The following NRXN1 variants were observed in gnomAD, a reference collection of about 807,000 sequenced individuals.
NRXN1 encodes the protein neurexin-1.
Under a neutral mutation model 150.9 loss-of-function variants are expected in NRXN1, and 39 were observed. The ratio of observed to expected loss-of-function variants is 0.26; its 90% CI spans 0.20 to 0.34. NRXN1 has a LOEUF of 0.34. Ranked by LOEUF, NRXN1 falls within the 10% of genes least tolerant of loss-of-function variation. NRXN1 has a pLI of 1.00. For missense variants in NRXN1, 1,815 were observed against 1,949.9 expected (o/e 0.93, Z 1.30); for synonymous variants, 924 against 757.0 (o/e 1.22, Z -3.62).
chr2:50,398,691 G>A (rs192381412), intron 17 of NRXN1, among the ~76,000 whole-genome samples: 74 of 152,178 alleles, frequency 4.9e-4, no homozygotes, highest in African/African-American at 1.8e-3. Context: ...TTAGACTAAT[G>A]GGCACTGCCT....
chr2:50,167,577 T>C (rs1423811243), intron 18 of NRXN1, among the ~76,000 whole-genome samples: 3 of 151,944 alleles, frequency 2.0e-5, no homozygotes, highest in Non-Finnish European at 4.4e-5. Flanking sequence ...AACCTGATTA[T>C]CAATTGTTCC....
intron 18 of NRXN1, among the ~76,000 whole-genome samples, chr2:50,131,177 G>A (rs1250441054): frequency 6.6e-6 from 1 of 152,164 alleles, no homozygotes; most frequent in Non-Finnish European, 1.5e-5. Flanking sequence ...TGGGTTGAAA[G>A]CTGTAAACAT....
intron 17 of NRXN1, among the ~76,000 whole-genome samples, chr2:50,406,009 C>T (rs1166821191): frequency 1.3e-5 from 2 of 152,092 alleles, no homozygotes; most frequent in African/African-American, 4.8e-5. Flanking sequence ...TGTCCAAGAT[C>T]ATGCAGCTGA....
At chr2:50,305,510 AATTTAAG>A (rs1230880986) in intron 17 of NRXN1, among the ~76,000 whole-genome samples, 1 of 152,208 alleles carries the variant, frequency 6.6e-6, no homozygotes, top group African/African-American at 2.4e-5. Context: ...TTATTTGTTA[AATTTAAG>A]ATTTAAGTCA....
rs538994093 is a variant in NRXN1 at position 50,852,520 on chromosome 2, G to C, written c.832+69349C>G. Among the ~76,000 whole-genome samples, 4 of 152,246 alleles carry C rather than the reference G, an allele frequency of 2.6e-5. No homozygotes were observed. In the East Asian group the frequency reaches 7.7e-4, roughly 29 times the overall value. On this transcript the variant is annotated intron_variant, in intron 5 of 22. Transcript: ENST00000401669. ...CTGTCAATTCTTTGATTGTCAAAAA[G>C]AGTCAGGTTCTGGTACAAGATCTTT...
chr2:50,391,446 G>A (rs1007932605), intron 17 of NRXN1, among the ~76,000 whole-genome samples: 1 of 151,884 alleles, frequency 6.6e-6, no homozygotes, highest in African/African-American at 2.4e-5. Context: ...AATCTTCTTG[G>A]GAAGAGAATC....
intron 19 of NRXN1, among the ~76,000 whole-genome samples, chr2:50,056,856 C>T (rs1428439505): frequency 6.6e-6 from 1 of 152,112 alleles, no homozygotes; most frequent in Non-Finnish European, 1.5e-5. Flanking sequence ...TTATTTGTCA[C>T]TCAATACTCA....
Position 50,286,285 on chromosome 2 carries a change from C to G in NRXN1, c.3365-49315G>C, listed in dbSNP as rs138518876. ...TTTGACCAATATCTCCCAAACTCCACCAACACCACCTCACTCCTACCCCCT... is the reference window on the plus strand; with the variant it reads ...TTTGACCAATATCTCCCAAACTCCAGCAACACCACCTCACTCCTACCCCCT... On this transcript the variant is annotated intron_variant, in intron 17 of 22. Transcript: ENST00000401669. 3.3e-5 allele frequency among the ~76,000 whole-genome samples: 5 copies of G among 152,184 alleles called. No individual in the cohort carries two copies. The East Asian group carries it at 9.7e-4, about 29-fold the overall frequency.
intron 18 of NRXN1, among the ~76,000 whole-genome samples, chr2:50,104,559 GATA>G (rs1047997799): frequency 2.6e-5 from 4 of 152,006 alleles, no homozygotes; most frequent in African/African-American, 9.7e-5. Flanking sequence ...GCGTGATGAT[GATA>G]ATGATGATGA....
intron 21 of NRXN1, among the ~76,000 whole-genome samples, chr2:50,010,573 C>A (rs889103418): frequency 2.6e-5 from 4 of 152,086 alleles, no homozygotes; most frequent in African/African-American, 9.7e-5. Context: ...CTCACAGACA[C>A]CATCTGCATG....
chr2:50,134,130 T>C (rs978227428), intron 18 of NRXN1, among the ~76,000 whole-genome samples: 1 of 152,076 alleles, frequency 6.6e-6, no homozygotes, highest in African/African-American at 2.4e-5. Flanking sequence ...TTCAAAGTAG[T>C]CCAAGGGTAA....
intron 17 of NRXN1, among the ~76,000 whole-genome samples, chr2:50,401,215 T>C (rs939603045): frequency 3.9e-5 from 6 of 152,186 alleles, no homozygotes; most frequent in African/African-American, 1.4e-4. Context: ...CTTACATTAA[T>C]TTTTGTTTCT....
chr2:50,989,667 G>A (rs1242580657), intron 2 of NRXN1, among the ~76,000 whole-genome samples: 1 of 151,974 alleles, frequency 6.6e-6, no homozygotes, highest in African/African-American at 2.4e-5. Flanking sequence ...TAAATTGCAT[G>A]GATGTACCCC....
chr2:50,455,485 C>T (rs963389056), intron 17 of NRXN1, among the ~76,000 whole-genome samples: 1 of 152,148 alleles, frequency 6.6e-6, no homozygotes, highest in African/African-American at 2.4e-5. Context: ...CACTTCAACA[C>T]ACTGAAAATG....
At chr2:50,663,145 G>A (rs547420865) in intron 5 of NRXN1, among the ~76,000 whole-genome samples, 9 of 152,006 alleles carry the variant, frequency 5.9e-5, no homozygotes, top group Non-Finnish European at 1.0e-4. Context: ...GGGCTATTGT[G>A]CTCTTTGACT....
At chr2:50,099,223 C>T (rs953887512) in intron 18 of NRXN1, among the ~76,000 whole-genome samples, 1 of 152,128 alleles carries the variant, frequency 6.6e-6, no homozygotes, top group South Asian at 2.1e-4. Context: ...TTTATATGCC[C>T]ATTTCAACCC....
intron 5 of NRXN1, among the ~76,000 whole-genome samples, chr2:50,639,496 T>C (rs1459782955): frequency 2.0e-5 from 3 of 151,922 alleles, no homozygotes; most frequent in Non-Finnish European, 4.4e-5. Context: ...GCTAAGATTA[T>C]AGGTGTAAGC....
At chr2:50,298,135 G>GT (rs1387885777) in intron 17 of NRXN1, among the ~76,000 whole-genome samples, 1 of 152,044 alleles carries the variant, frequency 6.6e-6, no homozygotes, top group African/African-American at 2.4e-5. Flanking sequence ...TGAAATTGCC[G>GT]TAAGTGCTAA....
chr2:50,518,142 T>C (rs1393170522), intron 12 of NRXN1, among the ~76,000 whole-genome samples: 1 of 152,066 alleles, frequency 6.6e-6, no homozygotes, highest in African/African-American at 2.4e-5. Context: ...ATAATTTACT[T>C]TTTAAGAAGA....
Sources: allele counts gnomAD v4.1 joint callset (sites outside exome capture counted in the v4.1 genomes callset), GRCh38; gene constraint gnomAD v4.1.1; transcripts MANE v1.5; gene names NCBI Gene and HGNC (gene_info 2026-07-23, HGNC 2026-07-21).